BCR: variants seen among roughly 807,000 people sequenced by gnomAD.
BCR encodes BCR activator of RhoGEF and GTPase.
In BCR, 58 loss-of-function variants were observed where a neutral mutation model predicts 138.6. The ratio of observed to expected loss-of-function variants is 0.42; its 90% CI spans 0.34 to 0.52. The LOEUF (loss-of-function observed/expected upper bound fraction) is 0.52. BCR is among the 20% of genes least tolerant of loss of function. The pLI is 0.06. For missense variants in BCR, 1,599 were observed against 1,727.2 expected, an observed-to-expected ratio of 0.93 and a Z score of 1.32; for synonymous variants, 786 against 730.1, an observed-to-expected ratio of 1.08 and a Z score of -1.23.
intron 1 of BCR, among the ~76,000 whole-genome samples, chr22:23,226,013 G>A (rs1448169072): frequency 6.6e-6 from 1 of 152,246 alleles, no homozygotes; most frequent in African/African-American, 2.4e-5. Context: ...GCACCCTCCT[G>A]TGCCCACATC....
Position 23,218,883 on chromosome 22 carries a change from T to G in BCR, c.1280-34916T>G, listed in dbSNP as rs189561826. Among the ~76,000 whole-genome samples the G allele has an allele frequency of 4.2e-3, 644 of 152,348 alleles. 5 individuals are homozygous for G. Among genetic ancestry groups the G allele is most frequent in the Middle Eastern group, 0.017 (5 of 294 alleles). ...CAGTTAGGAAAAATTGCCTGTTGAC[T>G]TGTTTCATTAAGAGGCCCCTTGCCG... On this transcript the variant is annotated intron_variant, in intron 1 of 22. Transcript: ENST00000305877.
intron 14 of BCR, 36 bp downstream of exon 14, chr22:23,290,449 C>T (rs5759683): frequency 2.6e-5 from 41 of 1,597,120 alleles, no homozygotes; most frequent in South Asian, 1.5e-4. Context: ...TTGCAGCGGC[C>T]GAGCCAGGGT....
At chr22:23,268,997 G>T (rs936026284) in intron 5 of BCR, among the ~76,000 whole-genome samples, 2 of 152,248 alleles carry the variant, frequency 1.3e-5, no homozygotes, top group Non-Finnish European at 2.9e-5. Flanking sequence ...GGACCCATGT[G>T]GGGAGCAAAG....
chr22:23,294,741 G>A (rs1374680721), intron 15 of BCR, among the ~76,000 whole-genome samples: 1 of 152,228 alleles, frequency 6.6e-6, no homozygotes, highest in East Asian at 1.9e-4. Flanking sequence ...TGTGAGGCAG[G>A]TGGTGTGGGG....
intron 7 of BCR, 112 bp from the exon 8 acceptor site, chr22:23,273,522 C>A: frequency 7.0e-7 from 1 of 1,431,460 alleles, no homozygotes; most frequent in Non-Finnish European, 9.6e-7. Flanking sequence ...TGTGGTGACA[C>A]TGAGGGAGCC....
At chr22:23,249,338 A>G (rs1277136107) in intron 1 of BCR, among the ~76,000 whole-genome samples, 1 of 151,752 alleles carries the variant, frequency 6.6e-6, no homozygotes, top group Admixed American at 6.6e-5. Flanking sequence ...AGGCTGAGGC[A>G]GGAGAATGGC....
At chr22:23,279,952 C>A (rs2073624264) in intron 8 of BCR, among the ~76,000 whole-genome samples, 1 of 152,224 alleles carries the variant, frequency 6.6e-6, no homozygotes, top group Non-Finnish European at 1.5e-5. Flanking sequence ...CGGCCACCCT[C>A]CCACTGTACC....
intron 1 of BCR, among the ~76,000 whole-genome samples, chr22:23,221,974 C>G (rs985509766): frequency 3.5e-5 from 5 of 142,490 alleles, no homozygotes; most frequent in Non-Finnish European, 7.4e-5. Flanking sequence ...GCCTGTAATT[C>G]CAGCTACTTG....
intron 1 of BCR, among the ~76,000 whole-genome samples, chr22:23,216,538 A>G (rs934185788): frequency 1.3e-5 from 2 of 152,262 alleles, no homozygotes; most frequent in African/African-American, 4.8e-5. Flanking sequence ...ACATTGTCAT[A>G]AGTGGAAAAA....
At chr22:23,304,456 C>A (rs1458612944) in intron 16 of BCR, among the ~76,000 whole-genome samples, 1 of 152,070 alleles carries the variant, frequency 6.6e-6, no homozygotes, top group Non-Finnish European at 1.5e-5. Context: ...ATACATATAA[C>A]ATGTTTTTAT....
intron 1 of BCR, among the ~76,000 whole-genome samples, chr22:23,193,750 C>A (rs1202272824): frequency 1.3e-5 from 2 of 152,210 alleles, no homozygotes; most frequent in Non-Finnish European, 2.9e-5. Context: ...CTTTGTGTAG[C>A]CTGCTGCATT....
At chr22:23,210,939 A>C (rs2072674612) in intron 1 of BCR, among the ~76,000 whole-genome samples, 1 of 152,196 alleles carries the variant, frequency 6.6e-6, no homozygotes, top group Admixed American at 6.5e-5. Context: ...TCACCCGTTT[A>C]AAATGGACCA....
chr22:23,264,028 C>T (rs1033036531), intron 4 of BCR: 10 of 927,104 alleles, frequency 1.1e-5, no homozygotes, highest in Non-Finnish European at 1.8e-5. Flanking sequence ...ATATATGAGT[C>T]CCCTTTCGCA....
chr22:23,286,510 A>T (rs1476293712), intron 10 of BCR, among the ~76,000 whole-genome samples: 1 of 152,180 alleles, frequency 6.6e-6, no homozygotes, highest in Non-Finnish European at 1.5e-5. Flanking sequence ...GTCCCCACAC[A>T]GAGTGGGAGC....
chr22:23,214,097 C>A (rs1254280730), intron 1 of BCR, among the ~76,000 whole-genome samples: 1 of 152,046 alleles, frequency 6.6e-6, no homozygotes, highest in African/African-American at 2.4e-5. Flanking sequence ...GCCCTGAGTG[C>A]TTAATAACAT....
At chr22:23,183,426 G>T (rs1226516720) in intron 1 of BCR, among the ~76,000 whole-genome samples, 1 of 152,224 alleles carries the variant, frequency 6.6e-6, no homozygotes, top group African/African-American at 2.4e-5. Context: ...TTTGTGGTGG[G>T]CACTCTGTCC....
At chr22:23,288,430 C>T (rs9612281) in intron 12 of BCR, among the ~76,000 whole-genome samples, 34,964 of 148,678 alleles carry the variant, frequency 0.24, 4,610 homozygotes, top group African/African-American at 0.3. Flanking sequence ...CTGTGAATCC[C>T]CCTTCCCCAG....
At chr22:23,290,303 G>T (rs1478597085) in intron 13 of BCR, 36 bp from the exon 14 acceptor site, 1 of 1,597,044 alleles carries the variant, frequency 6.3e-7, no homozygotes, top group Non-Finnish European at 8.6e-7. Flanking sequence ...CCTTTCCCGG[G>T]ACAACAGAAG....
intron 1 of BCR, among the ~76,000 whole-genome samples, chr22:23,239,851 G>T (rs946113045): frequency 6.6e-6 from 1 of 151,738 alleles, no homozygotes; most frequent in African/African-American, 2.4e-5. Flanking sequence ...TCTCCCTCTG[G>T]CTCCAGTCCC....
Sources: allele counts gnomAD v4.1 joint callset (sites outside exome capture counted in the v4.1 genomes callset), GRCh38; gene constraint gnomAD v4.1.1; transcripts MANE v1.5; gene names NCBI Gene and HGNC (gene_info 2026-07-23, HGNC 2026-07-21).